Variants in NRG1 observed in about 807,000 individuals in gnomAD.
NRG1 encodes the protein neuregulin 1.
A neutral mutation model predicts 63.8 loss-of-function variants in NRG1; 18 were observed. The observed-to-expected ratio is 0.28, with a 90% CI of 0.19 to 0.42. The LOEUF is 0.42. Ranked by LOEUF, NRG1 falls within the 10% of genes least tolerant of loss-of-function variation. The pLI, the probability that NRG1 is intolerant of heterozygous loss-of-function variation, is 1.00. For missense variants in NRG1, 762 were observed against 814.7 expected, an observed-to-expected ratio of 0.94 and a Z score of 0.79; for synonymous variants, 302 against 301.3, an observed-to-expected ratio of 1.00 and a Z score of -0.02.
chr8:31,896,651 G>GAAA (rs2129614674), intron 1 of NRG1, among the ~76,000 whole-genome samples: 1 of 152,292 alleles, frequency 6.6e-6, no homozygotes, highest in African/African-American at 2.4e-5. Context: ...CAGTTGATCT[G>GAAA]GGCCCTGAAG....
At chr8:32,758,078 T>C (rs887238286) in intron 9 of NRG1, among the ~76,000 whole-genome samples, 1 of 152,206 alleles carries the variant, frequency 6.6e-6, no homozygotes, top group African/African-American at 2.4e-5. Flanking sequence ...TGTATATTTT[T>C]GGATCTCCCT....
chr8:32,345,615 C>T (rs1184299039), intron 1 of NRG1, among the ~76,000 whole-genome samples: 1 of 152,184 alleles, frequency 6.6e-6, no homozygotes, highest in East Asian at 1.9e-4. Context: ...CAGCACAATA[C>T]ATGAGTAGTT....
chr8:32,714,076 C>T (rs1188617728), intron 5 of NRG1, among the ~76,000 whole-genome samples: 4 of 152,198 alleles, frequency 2.6e-5, no homozygotes, highest in South Asian at 2.1e-4. Flanking sequence ...CTGCCGACCT[C>T]GGCCTCCCAA....
chr8:31,681,826 A>G (rs1047864094), intron 1 of NRG1, among the ~76,000 whole-genome samples: 4 of 152,032 alleles, frequency 2.6e-5, no homozygotes, highest in Non-Finnish European at 4.4e-5. Flanking sequence ...TTAGGATCAC[A>G]GCAATATAGA....
chr8:32,295,734 G>C (rs1030520440), intron 1 of NRG1, among the ~76,000 whole-genome samples: 1 of 151,784 alleles, frequency 6.6e-6, no homozygotes, highest in African/African-American at 2.4e-5. Flanking sequence ...GTGGATCACG[G>C]GTCAGGAGTT....
At chr8:31,695,787 G>A (rs1810000635) in intron 1 of NRG1, among the ~76,000 whole-genome samples, 1 of 152,118 alleles carries the variant, frequency 6.6e-6, no homozygotes, top group Non-Finnish European at 1.5e-5. Flanking sequence ...TATAGTTTGA[G>A]CTCTTGTTAT....
At chr8:31,670,188 A>T (rs1039229507) in intron 1 of NRG1, among the ~76,000 whole-genome samples, 6 of 151,932 alleles carry the variant, frequency 3.9e-5, no homozygotes, top group Non-Finnish European at 7.4e-5. Flanking sequence ...CATTGAAAAA[A>T]TTTTCCATGT....
chr8:32,763,955 C>A (rs781216432), exon 12 of NRG1: 1 of 1,614,064 alleles, frequency 6.2e-7, no homozygotes, highest in Admixed American at 1.7e-5. Flanking sequence ...AGAAGTTTGA[C>A]CATCACCCTC....
At chr8:32,132,039 A>G (rs1834892120) in intron 1 of NRG1, among the ~76,000 whole-genome samples, 2 of 152,084 alleles carry the variant, frequency 1.3e-5, no homozygotes, top group Middle Eastern at 3.4e-3. Context: ...CTTTTTGGCT[A>G]TTTGGACAGT....
intron 1 of NRG1, among the ~76,000 whole-genome samples, chr8:32,014,851 C>T (rs1164739742): frequency 6.6e-6 from 1 of 151,916 alleles, no homozygotes; most frequent in Non-Finnish European, 1.5e-5. Flanking sequence ...ATGAATGTAT[C>T]TGTGTATAAA....
chr8:31,640,419 C>T lies in NRG1; in HGVS notation c.37+988C>T, dbSNP rs769174307. On this transcript the variant is annotated intron_variant, in intron 1 of 10. Coordinates refer to the NRG1 transcript ENST00000519301. The surrounding 1 kb of genome is among the most constrained non-coding windows in gnomAD (Gnocchi z 6.3). ...ACGGGACCGTGCCCTCTTGGCCCAC[C>T]GCCCCGGTGCCCAGCGCCGGCGAGC... is the stretch of plus-strand genomic sequence containing the variant. 1.3e-5 allele frequency: 19 copies of T among 1,491,870 alleles called. No individual in the cohort carries two copies. The African/African-American group carries it at 2.0e-4, about 16-fold the overall frequency. 92.4% of individuals were successfully genotyped at this position (1,491,870 alleles called of 1,614,324 possible).
At chr8:31,690,458 A>T (rs1415715720) in intron 1 of NRG1, among the ~76,000 whole-genome samples, 2 of 152,198 alleles carry the variant, frequency 1.3e-5, no homozygotes, top group Admixed American at 6.5e-5. Flanking sequence ...CATTTACTCT[A>T]AAGTCCTTAA....
intron 1 of NRG1, among the ~76,000 whole-genome samples, chr8:31,906,233 T>C (rs1287612365): frequency 6.6e-6 from 1 of 152,218 alleles, no homozygotes; most frequent in East Asian, 1.9e-4. Context: ...CAGGAAGCTT[T>C]AGCTCCTTAC....
rs191955950 is a variant in NRG1 at position 32,576,881 on chromosome 8, C to T, written c.101-18947C>T. ...CAAGTTTGTCATATGAGTGATATTG[C>T]GTGGTGCTGAGGTTTAGGGTACGAA... On this transcript the variant is annotated intron_variant, in intron 1 of 11. Transcript: ENST00000356819. Among the ~76,000 whole-genome samples the T allele has an allele frequency of 1.8e-3, 281 of 151,944 alleles. 4 individuals are homozygous for T. The highest frequency in any genetic ancestry group is 2.8e-4 in the Non-Finnish European group (19 of 67,988).
chr8:31,942,159 C>T (rs980064880), intron 1 of NRG1, among the ~76,000 whole-genome samples: 2 of 152,100 alleles, frequency 1.3e-5, no homozygotes, highest in African/African-American at 4.8e-5. Context: ...CAATAGTCAC[C>T]AAAACAGCAT....
intron 1 of NRG1, among the ~76,000 whole-genome samples, chr8:32,577,108 T>C (rs1588437409): frequency 1.3e-5 from 2 of 152,360 alleles, no homozygotes; most frequent in African/African-American, 4.8e-5. Flanking sequence ...TCGCTTAGGA[T>C]AATGGCCTCC....
At chr8:32,208,043 G>A (rs936565450) in intron 1 of NRG1, among the ~76,000 whole-genome samples, 4 of 152,122 alleles carry the variant, frequency 2.6e-5, no homozygotes, top group Non-Finnish European at 5.9e-5. Flanking sequence ...TTACACAAAG[G>A]TTAATGCACG....
chr8:31,871,635 A>G (rs971600831), intron 1 of NRG1, among the ~76,000 whole-genome samples: 2 of 152,052 alleles, frequency 1.3e-5, no homozygotes, highest in Non-Finnish European at 2.9e-5. Context: ...TTCTTATTTT[A>G]AAAACAAAAC....
chr8:32,199,828 G>A (rs369405628), intron 1 of NRG1, among the ~76,000 whole-genome samples: 1 of 151,816 alleles, frequency 6.6e-6, no homozygotes, highest in African/African-American at 2.4e-5. Context: ...TGCCCATGCT[G>A]GAGTGCAATG....
Sources: gnomAD v4.1 joint callset for allele counts (sites outside exome capture counted in the v4.1 genomes callset) on GRCh38, gnomAD v4.1.1 for gene constraint, Gnocchi (gnomAD v3.1) non-coding constraint, MANE v1.5 for transcripts, NCBI Gene and HGNC (gene_info 2026-07-23, HGNC 2026-07-21) for gene names.